The following CXADR variants were observed in gnomAD, a reference collection of about 807,000 sequenced individuals.
CXADR encodes the protein coxsackievirus and adenovirus receptor.
A neutral mutation model predicts 40.3 loss-of-function variants in CXADR; 20 were observed. The ratio of observed to expected loss-of-function variants is 0.50; its 90% CI spans 0.35 to 0.72. CXADR has a LOEUF of 0.72. Among genes scored for constraint, CXADR ranks in the 30% least tolerant of loss-of-function variants. The probability of loss-of-function intolerance (pLI) is 0.01; values close to 1 mark genes in which losing one functional copy is unlikely to be tolerated. For missense variants in CXADR, 332 were observed against 449.1 expected, an observed-to-expected ratio of 0.74 and a Z score of 2.36; for synonymous variants, 150 against 161.3, an observed-to-expected ratio of 0.93 and a Z score of 0.53.
chr21:17,523,922 G>C (rs771091640), intron 1 of CXADR, among the ~76,000 whole-genome samples: 1 of 151,818 alleles, frequency 6.6e-6, no homozygotes, highest in African/African-American at 2.4e-5. Context: ...GCAGTGGCGC[G>C]ATCTCGGTTC....
Position 17,582,810 on chromosome 21 carries a change from T to C in CXADR, c.1018-10342T>C, listed in dbSNP as rs562879341. On this transcript the variant is annotated intron_variant, in intron 7 of 7. Transcript: ENST00000400169. ...AAACTAATGAAGAAAGTGAGTTATC[T>C]TGCATTTGAAAAGATGTGTCTAGGT... 2.0e-5 allele frequency among the ~76,000 whole-genome samples: 3 copies of C among 152,360 alleles called. No homozygotes were observed. The East Asian group carries it at 5.8e-4, about 29-fold the overall frequency.
At position 17,563,707 on chromosome 21, in the gene CXADR, C is replaced by T. The variant is rs148675029; in HGVS notation, c.834-1721C>T. Among the ~76,000 whole-genome samples, 708 of 151,316 alleles carry T rather than the reference C, an allele frequency of 4.7e-3. 2 individuals carry two copies. The highest frequency in any genetic ancestry group is 0.021 in the Middle Eastern group (6 of 290). On this transcript the variant is annotated intron_variant, in intron 6 of 6. Transcript: ENST00000284878. ...CTGTAATCCCAGCACTTAGGGAGGCCGATATGGGTGGATCACGAGGTCAGG... is the reference window on the plus strand; with the variant it reads ...CTGTAATCCCAGCACTTAGGGAGGCTGATATGGGTGGATCACGAGGTCAGG...
downstream of CXADR, among the ~76,000 whole-genome samples, chr21:17,572,852 G>A (rs1691325): frequency 0.17 from 25,142 of 152,002 alleles, 2,660 homozygotes; most frequent in African/African-American, 0.3. Context: ...CGAAAATACC[G>A]AAAACAATTT....
chr21:17,552,076 G>T, intron 3 of CXADR, 123 bp downstream of exon 3: 1 of 715,600 alleles, frequency 1.4e-6, no homozygotes. Context: ...TTAAACACTT[G>T]AAGTACTTCT....
At chr21:17,524,686 A>G (rs1261735935) in intron 1 of CXADR, among the ~76,000 whole-genome samples, 1 of 151,592 alleles carries the variant, frequency 6.6e-6, no homozygotes, top group Non-Finnish European at 1.5e-5. Context: ...CTTGAGCTCA[A>G]GATTAGCCTG....
intron 7 of CXADR, among the ~76,000 whole-genome samples, chr21:17,589,184 T>C (rs938336565): frequency 7.2e-5 from 11 of 152,104 alleles, no homozygotes; most frequent in African/African-American, 2.4e-4. Flanking sequence ...GAGGAAACTA[T>C]GCACTATTGC....
intron 1 of CXADR, among the ~76,000 whole-genome samples, chr21:17,522,008 T>G (rs1398219518): frequency 6.6e-6 from 1 of 152,128 alleles, no homozygotes; most frequent in Non-Finnish European, 1.5e-5. Flanking sequence ...TTGCCTTTAT[T>G]TTTTATTTTT....
Position 17,568,557 on chromosome 21 carries a change from C to T in CXADR, c.*2865C>T, listed in dbSNP as rs1188819840. On this transcript the variant is annotated 3_prime_UTR_variant, in exon 7 of 7. Coordinates refer to ENST00000284878, the MANE Select transcript of CXADR (RefSeq NM_001338.5). ...TTACTGTAGAATATATAGTTCTGTA[C>T]TTTTTTTTTTTTTTTTTAAGAGATA... 9.1e-6 allele frequency: 8 copies of T among 880,738 alleles called. No individual in the cohort carries two copies. The highest frequency in any genetic ancestry group is 5.2e-5 in the South Asian group (1 of 19,078). 54.6% of individuals were successfully genotyped at this position (880,738 alleles called of 1,614,324 possible). A position where few individuals can be genotyped will look rare whatever the true frequency, so the allele number is the denominator to read the frequency against.
chr21:17,609,078 T>C, the CXADR span: 35 of 1,614,058 alleles, frequency 2.2e-5, no homozygotes, highest in Non-Finnish European at 3.0e-5. Flanking sequence ...GCCTCTTTTT[T>C]CAACTTATCA....
intron 1 of CXADR, among the ~76,000 whole-genome samples, chr21:17,527,574 A>C (rs915212062): frequency 6.6e-6 from 1 of 152,158 alleles, no homozygotes; most frequent in Non-Finnish European, 1.5e-5. Context: ...ATCCAGAGGG[A>C]GGAGTCAGAC....
In CXADR at chr21:17,565,288, C is replaced by G. The variant is rs2061189569; in HGVS notation, c.834-140C>G. Reference sequence around the variant, plus strand: ...GTGCTTTTTGCTTTTTTGTGACACACACACACACACACACACACACACACA... The same window carrying G: ...GTGCTTTTTGCTTTTTTGTGACACAGACACACACACACACACACACACACA... On this transcript the variant is annotated intron_variant, in intron 6 of 6. Coordinates refer to ENST00000284878, the MANE Select transcript of CXADR (RefSeq NM_001338.5). 5.0e-5 allele frequency: 2 copies of G among 40,094 alleles called. 1 individual carries two copies. The highest frequency in any genetic ancestry group is 1.1e-3 in the South Asian group (2 of 1,858). 2.5% of individuals were successfully genotyped at this position (40,094 alleles called of 1,614,324 possible).
intron 3 of CXADR, among the ~76,000 whole-genome samples, chr21:17,557,401 T>C (rs542842723): frequency 2.0e-5 from 3 of 152,350 alleles, no homozygotes; most frequent in South Asian, 4.1e-4. Flanking sequence ...AAACAGCTGA[T>C]TGACAGCTGA....
At chr21:17,540,958 T>A (rs1202424630) in intron 1 of CXADR, among the ~76,000 whole-genome samples, 3 of 152,180 alleles carry the variant, frequency 2.0e-5, no homozygotes, top group Non-Finnish European at 4.4e-5. Context: ...TAATCTTTTT[T>A]AAAAATAGAC....
At chr21:17,549,114 T>C (rs549753187) in intron 2 of CXADR, among the ~76,000 whole-genome samples, 20 of 152,362 alleles carry the variant, frequency 1.3e-4, no homozygotes, top group Non-Finnish European at 2.4e-4. Flanking sequence ...AACAGCGTGC[T>C]TGGGCAGTGT....
At chr21:17,632,741 C>T in the CXADR span, among the ~76,000 whole-genome samples, 21 of 152,158 alleles carry the variant, frequency 1.4e-4, no homozygotes, top group South Asian at 3.7e-3. Context: ...TGGGGGCAGG[C>T]GCCTGTAGTC....
chr21:17,527,799 T>G (rs139185305), intron 1 of CXADR, among the ~76,000 whole-genome samples: 1 of 151,318 alleles, frequency 6.6e-6, no homozygotes, highest in Non-Finnish European at 1.5e-5. Flanking sequence ...TATTTTTTTA[T>G]TTTTATTTAT....
chr21:17,581,087 C>T (rs748933210), intron 7 of CXADR, among the ~76,000 whole-genome samples: 3 of 152,218 alleles, frequency 2.0e-5, no homozygotes, highest in Non-Finnish European at 4.4e-5. Flanking sequence ...GCTCTCAGGT[C>T]ATTCTGTATT....
At chr21:17,591,961 G>A (rs906047903) in intron 7 of CXADR, among the ~76,000 whole-genome samples, 1 of 151,920 alleles carries the variant, frequency 6.6e-6, no homozygotes. Flanking sequence ...ATTTATGAGA[G>A]CTTTCTTTTG....
At chr21:17,537,034 A>G (rs564667121) in intron 1 of CXADR, among the ~76,000 whole-genome samples, 3 of 152,352 alleles carry the variant, frequency 2.0e-5, no homozygotes, top group Admixed American at 2.0e-4. Context: ...CTGGGATTAC[A>G]GGCATGAGCC....
Sources: gnomAD v4.1 joint callset for allele counts (sites outside exome capture counted in the v4.1 genomes callset) on GRCh38, gnomAD v4.1.1 for gene constraint, MANE v1.5 for transcripts, NCBI Gene and HGNC (gene_info 2026-07-23, HGNC 2026-07-21) for gene names.